DHX57: variants seen among roughly 807,000 people sequenced by gnomAD.
DHX57 encodes the protein putative ATP-dependent RNA helicase DHX57.
Under a neutral mutation model 156.2 loss-of-function variants are expected in DHX57, and 105 were observed. The observed-to-expected ratio is 0.67, with a 90% CI of 0.57 to 0.79. The LOEUF is 0.79. Among genes scored for constraint, DHX57 ranks in the 30% least tolerant of loss-of-function variants. The pLI is 0.00. For synonymous variants in DHX57, 704 were observed against 595.6 expected (o/e 1.18, Z -2.65); for missense variants, 1,847 against 1,661.9 (o/e 1.11, Z -1.94).
intron 19 of DHX57, chr2:38,816,018 AC>A (rs1670530162): frequency 4.9e-6 from 2 of 406,300 alleles, no homozygotes; most frequent in African/African-American, 4.2e-5. Context: ...TGGAATTCCA[AC>A]TCCAAGTGCT....
At chr2:38,805,737 GT>G (rs1669904291) in intron 22 of DHX57, among the ~76,000 whole-genome samples, 2 of 150,980 alleles carry the variant, frequency 1.3e-5, no homozygotes, top group Non-Finnish European at 2.9e-5. Flanking sequence ...GGATCATTGA[GT>G]TTGATTTTTC....
At position 38,870,900 on chromosome 2, in the gene DHX57, C is replaced by CA. The variant is rs966022153; in HGVS notation, c.-6-2490dup. On this transcript the variant is annotated intron_variant, in intron 1 of 23. Transcript: ENST00000457308. ...TCTCAAAAAAACAAAAAACAAAAAA[C>CA]AAAAAAAAAACAACAAAAAATAGTT... is the stretch of plus-strand genomic sequence containing the variant. 1.1e-3 allele frequency among the ~76,000 whole-genome samples: 158 copies of CA among 142,860 alleles called. 2 individuals carry two copies. The highest frequency in any genetic ancestry group is 3.0e-3 in the East Asian group (15 of 4,928). 93.7% of individuals were successfully genotyped at this position (142,860 alleles called of 152,430 possible).
chr2:38,817,696 T>C (rs1371058496), intron 19 of DHX57, among the ~76,000 whole-genome samples: 5 of 151,910 alleles, frequency 3.3e-5, no homozygotes, highest in Admixed American at 6.6e-5. Flanking sequence ...AGATAAGACA[T>C]TTTTTATTTT....
chr2:38,822,490 T>A (rs1670875042), intron 17 of DHX57, among the ~76,000 whole-genome samples: 1 of 151,666 alleles, frequency 6.6e-6, no homozygotes, highest in African/African-American at 2.4e-5. Flanking sequence ...GCCTCCCAGG[T>A]TCAAGCGATT....
Position 38,836,286 on chromosome 2 carries a change from C to T in DHX57, c.2542+1545G>A, listed in dbSNP as rs564568862. Among the ~76,000 whole-genome samples the T allele has an allele frequency of 2.8e-4, 43 of 152,280 alleles. No individual in the cohort carries two copies. In the Middle Eastern group the frequency reaches 0.01, roughly 36 times the overall value. ...GCCTCTTCTGCCTCCCCTTCCACTT[C>T]TTCCACCTCTGCCACCCGAGACAGC... On this transcript the variant is annotated intron_variant, in intron 13 of 23. Coordinates refer to ENST00000457308, the MANE Select transcript of DHX57 (RefSeq NM_198963.3).
chr2:38,803,110 T>A, intron 22 of DHX57, 195 bp from the exon 23 acceptor site: 1 of 578,540 alleles, frequency 1.7e-6, no homozygotes, highest in Non-Finnish European at 3.0e-6. Context: ...AATACATATC[T>A]CACACTTGTG....
intron 11 of DHX57, among the ~76,000 whole-genome samples, chr2:38,846,705 T>C (rs1369618976): frequency 2.0e-5 from 3 of 151,346 alleles, no homozygotes; most frequent in Non-Finnish European, 4.4e-5. Context: ...GAGAACAAAA[T>C]GTTCAAACAG....
chr2:38,824,188 G>T (rs1553326092), intron 16 of DHX57, among the ~76,000 whole-genome samples: 3 of 152,144 alleles, frequency 2.0e-5, no homozygotes, highest in Non-Finnish European at 4.4e-5. Flanking sequence ...AAAAAAGAAA[G>T]AAATTCTGCA....
At chr2:38,810,875 T>C in intron 21 of DHX57, 1 of 749,780 alleles carries the variant, frequency 1.3e-6, no homozygotes, top group Non-Finnish European at 2.4e-6. Context: ...TTCTCCACGA[T>C]GTCAATATGG....
chr2:38,815,401 A>G (rs1028672864), intron 20 of DHX57, 120 bp downstream of exon 20: 8 of 1,279,746 alleles, frequency 6.3e-6, no homozygotes, highest in Non-Finnish European at 8.7e-6. Flanking sequence ...AAAATCAAGA[A>G]TGCCATTAAC....
chr2:38,848,478 G>A (rs2124894702), intron 9 of DHX57, 76 bp from the exon 10 acceptor site: 1 of 1,419,948 alleles, frequency 7.0e-7, no homozygotes, highest in South Asian at 1.5e-5. Context: ...ACTATATTTT[G>A]AGCAAGAAAT....
rs200949416 is a variant in DHX57 at position 38,819,088 on chromosome 2, G to A, written c.3348C>T (p.Phe1116=). Reference sequence around the variant, plus strand: ...GAAGGGCCAGATAATCACTGTTTGCGAATGCAAATTCCAGCTTTTTCTGGT... The same window carrying A: ...GAAGGGCCAGATAATCACTGTTTGCAAATGCAAATTCCAGCTTTTTCTGGT... ...EANQKKLEFA[F]ANSDYLALLQ... The change falls in exon 18 of 24, where the codon TTC becomes TTT. Residue 1116 remains phenylalanine (F), a synonymous_variant. Coordinates refer to ENST00000457308, the MANE Select transcript of DHX57 (RefSeq NM_198963.3). 39 of 1,614,132 alleles carry A rather than the reference G, an allele frequency of 2.4e-5. No individual in the cohort carries two copies. The highest frequency in any genetic ancestry group is 3.3e-5 in the Admixed American group (2 of 60,002).
Position 38,848,386 on chromosome 2 carries a change from C to T in DHX57, c.2047G>A (p.Val683Ile), listed in dbSNP as rs150863527. 3.7e-5 allele frequency: 59 copies of T among 1,601,962 alleles called. No individual in the cohort carries two copies. The highest frequency in any genetic ancestry group is 4.8e-5 in the Non-Finnish European group (56 of 1,175,426). ...CTCTGCGATACAATGTCCTTCAAAA[C>T]TAGCAGCAAGAAGTCACTAGAGAAA... ...RTEESDFLLL[V>I]LKDIVSQRPG... The change falls in exon 10 of 24, where the codon GTT (valine) becomes ATT (isoleucine). Residue 683 changes from valine (V) to isoleucine (I), a missense_variant. Coordinates refer to ENST00000457308, the MANE Select transcript of DHX57 (RefSeq NM_198963.3).
In DHX57 at chr2:38,868,256, G is replaced by A. The variant is rs1665179563; in HGVS notation, c.150C>T (p.Asn50=). 6.2e-7 allele frequency: 1 copy of A among 1,613,892 alleles called. No homozygotes were observed. The highest frequency in any genetic ancestry group is 8.5e-7 in the Non-Finnish European group (1 of 1,179,978). ...CCCATATTCTACTGGAGGCCTTTCTGTTGCCGCCACCTCCACCACCACCAC... is the reference window on the plus strand; with the variant it reads ...CCCATATTCTACTGGAGGCCTTTCTATTGCCGCCACCTCCACCACCACCAC... ...GGGGGGGGGG[N]RKASSRIWDD... is the part of the protein sequence containing the mutation. Residue 50 remains asparagine, a synonymous_variant, in exon 2 of 24, where the codon AAC becomes AAT. Coordinates refer to ENST00000457308, the MANE Select transcript of DHX57 (RefSeq NM_198963.3).
At chr2:38,802,184 G>T (rs547450173) in intron 23 of DHX57, among the ~76,000 whole-genome samples, 1 of 151,968 alleles carries the variant, frequency 6.6e-6, no homozygotes, top group African/African-American at 2.4e-5. Context: ...GCCCGTACCA[G>T]ACTTCCCCTC....
chr2:38,822,191 T>C (rs1670857245), intron 17 of DHX57, among the ~76,000 whole-genome samples: 1 of 152,008 alleles, frequency 6.6e-6, no homozygotes, highest in Non-Finnish European at 1.5e-5. Flanking sequence ...CAAGTGATTC[T>C]CCTGCCTCAG....
intron 2 of DHX57, among the ~76,000 whole-genome samples, chr2:38,865,974 C>T (rs1665050185): frequency 6.6e-6 from 1 of 152,160 alleles, no homozygotes; most frequent in South Asian, 2.1e-4. Context: ...CTGTACACTG[C>T]ACAAAGGTTC....
At chr2:38,815,104 T>C (rs1670458261) in intron 20 of DHX57, among the ~76,000 whole-genome samples, 2 of 150,650 alleles carry the variant, frequency 1.3e-5, no homozygotes, top group Non-Finnish European at 3.0e-5. Flanking sequence ...TTTGGCTCTG[T>C]TGCCCAGGCT....
chr2:38,825,374 C>T (rs1463030327), intron 16 of DHX57, among the ~76,000 whole-genome samples: 1 of 152,152 alleles, frequency 6.6e-6, no homozygotes, highest in African/African-American at 2.4e-5. Context: ...ACGATCTCAG[C>T]TCACTGCAAC....
Sources: allele counts gnomAD v4.1 joint callset (sites outside exome capture counted in the v4.1 genomes callset), GRCh38; gene constraint gnomAD v4.1.1; transcripts MANE v1.5; gene names NCBI Gene and HGNC (gene_info 2026-07-23, HGNC 2026-07-21).